Variants in NUAK1 observed in about 807,000 individuals in gnomAD.
NUAK1 encodes the protein NUAK family SNF1-like kinase 1.
NUAK1 carries 26 observed loss-of-function variants against 56.9 expected under a neutral mutation model. That is an observed-to-expected ratio of 0.46 (90% CI 0.33 to 0.63). The LOEUF is 0.63. Ranked by LOEUF, NUAK1 falls within the 30% of genes least tolerant of loss-of-function variation. NUAK1 has a pLI of 0.02. For synonymous variants in NUAK1, 337 were observed against 336.0 expected (o/e 1.00, Z -0.03); for missense variants, 727 against 876.1 (o/e 0.83, Z 2.15).
chr12:106,092,754 C>T (rs764913408), intron 2 of NUAK1, among the ~76,000 whole-genome samples: 12 of 152,042 alleles, frequency 7.9e-5, no homozygotes, highest in Admixed American at 2.6e-4. Flanking sequence ...CACATCTGTA[C>T]GCATTTTTGT....
intron 6 of NUAK1, 54 bp from the exon 7 acceptor site, chr12:106,068,009 G>A: frequency 6.6e-7 from 1 of 1,524,578 alleles, no homozygotes. Context: ...TTCTGGCTTT[G>A]TGATAGTGGG....
At chr12:106,107,841 A>G (rs1022247270) in intron 1 of NUAK1, among the ~76,000 whole-genome samples, 14 of 152,194 alleles carry the variant, frequency 9.2e-5, no homozygotes, top group Admixed American at 8.5e-4. Context: ...CTATGTATTG[A>G]CCTCCCAAAA....
At chr12:106,135,790 T>C (rs2033124137) in intron 1 of NUAK1, among the ~76,000 whole-genome samples, 1 of 152,230 alleles carries the variant, frequency 6.6e-6, no homozygotes, top group Non-Finnish European at 1.5e-5. Context: ...GTTGTGAATG[T>C]TTAGCACATC....
intron 2 of NUAK1, among the ~76,000 whole-genome samples, chr12:106,102,647 T>C (rs1003122507): frequency 6.6e-6 from 1 of 152,188 alleles, no homozygotes; most frequent in African/African-American, 2.4e-5. Flanking sequence ...AGTGTCCTCA[T>C]AATAATTATC....
chr12:106,079,338 T>C (rs1176303756), intron 4 of NUAK1, among the ~76,000 whole-genome samples: 2 of 152,100 alleles, frequency 1.3e-5, no homozygotes, highest in African/African-American at 4.8e-5. Flanking sequence ...CTCCTACCCA[T>C]CCCTCAAAAC....
rs963784772 is a variant in NUAK1 at position 106,067,060 on chromosome 12, G to A, written c.1728C>T (p.Ser576=). 5.6e-6 allele frequency: 9 copies of A among 1,614,100 alleles called. No individual in the cohort carries two copies. The highest frequency in any genetic ancestry group is 5.9e-6 in the Non-Finnish European group (7 of 1,180,024). The change falls in exon 7 of 7, where the codon AGC becomes AGT. Residue 576 remains serine, a synonymous_variant. Transcript: ENST00000261402. This position sits in a 1 kb window ranked among gnomAD's most constrained non-coding sequence, Gnocchi z 6.0. ...AGTCAAAAGAGTCGCTGGACAGCAC[G>A]CTGTCATCGCTGATGACACTGGAAG... The part of the protein sequence containing the change: ...SRPSSVISDD[S]VLSSDSFDLL...
intron 1 of NUAK1, among the ~76,000 whole-genome samples, chr12:106,126,544 A>T (rs941691040): frequency 6.6e-6 from 1 of 152,236 alleles, no homozygotes; most frequent in African/African-American, 2.4e-5. Flanking sequence ...AATGGTTCTA[A>T]GAATTCAGTG....
chr12:106,067,640 T>A lies in NUAK1; in HGVS notation c.1148A>T (p.Asp383Val). The A allele has an allele frequency of 6.2e-7, 1 of 1,614,254 alleles. No individual in the cohort carries two copies. The highest frequency in any genetic ancestry group is 1.3e-5 in the African/African-American group (1 of 75,062). ...CTTGGATGGGCTTTCAGGCACTGCATCCTGACCAGACTGAGCAAAGTCATT... is the reference window on the plus strand; with the variant it reads ...CTTGGATGGGCTTTCAGGCACTGCAACCTGACCAGACTGAGCAAAGTCATT... The part of the protein sequence containing the change: ...KENDFAQSGQ[D>V]AVPESPSKLS... The change falls in exon 7 of 7, where the codon GAT (aspartate) becomes GTT (valine). Residue 383 changes from aspartate (D) to valine (V), a missense_variant. Transcript: ENST00000261402. This position sits in a 1 kb window ranked among gnomAD's most constrained non-coding sequence, Gnocchi z 6.0.
chr12:106,068,102 G>T lies in NUAK1; in HGVS notation c.833-147C>A, dbSNP rs115265398. 7.1e-4 allele frequency: 511 copies of T among 719,800 alleles called. 3 individuals are homozygous for T. In the African/African-American group the frequency reaches 8.2e-3, roughly 12 times the overall value. The allele number at this position is 719,800 out of a possible 1,614,324, so 44.6% of individuals were successfully genotyped here. On this transcript the variant is annotated intron_variant, in intron 6 of 6. Transcript: ENST00000261402. ...CTGGTCCAGCCACATTATGGAGCAG[G>T]AAGCCCCAGCCTTTCAGATCATCCA...
At chr12:106,087,078 G>A (rs1402400268) in intron 2 of NUAK1, 193 bp from the exon 3 acceptor site, 1 of 566,478 alleles carries the variant, frequency 1.8e-6, no homozygotes, top group Non-Finnish European at 3.1e-6. Context: ...AATGGTGTGT[G>A]TCACCACCAC....
chr12:106,085,129 AT>A (rs2032558352), intron 3 of NUAK1, among the ~76,000 whole-genome samples: 1 of 152,236 alleles, frequency 6.6e-6, no homozygotes. Flanking sequence ...GATTCCATTA[AT>A]TTTAAACATC....
intron 2 of NUAK1, among the ~76,000 whole-genome samples, chr12:106,095,243 A>G (rs1423595736): frequency 6.6e-6 from 1 of 152,022 alleles, no homozygotes; most frequent in African/African-American, 2.4e-5. Context: ...TCTCACAACT[A>G]CCCCCAGAAA....
chr12:106,106,321 G>C, intron 2 of NUAK1, 84 bp downstream of exon 2: 1 of 1,280,572 alleles, frequency 7.8e-7, no homozygotes, highest in Non-Finnish European at 1.1e-6. Flanking sequence ...GCCCAGAAGG[G>C]CAATTATCTC....
chr12:106,084,982 G>GCACT (rs1175503722), intron 3 of NUAK1, among the ~76,000 whole-genome samples: 1 of 152,194 alleles, frequency 6.6e-6, no homozygotes, highest in African/African-American at 2.4e-5. Flanking sequence ...ATCTCCAAAA[G>GCACT]CACTGCTCAG....
intron 6 of NUAK1, among the ~76,000 whole-genome samples, chr12:106,069,674 C>T (rs867485742): frequency 6.6e-6 from 1 of 152,180 alleles, no homozygotes; most frequent in East Asian, 1.9e-4. Context: ...AGGAACCTAA[C>T]CCTCTATTTC....
Position 106,067,475 on chromosome 12 carries a change from G to A in NUAK1, c.1313C>T (p.Thr438Ile). 4 of 1,614,194 alleles carry A rather than the reference G, an allele frequency of 2.5e-6. No homozygotes were observed. Among genetic ancestry groups the A allele is most frequent in the South Asian group, 2.2e-5 (2 of 91,078 alleles). ...TGGTGAGCTTGGGAGGAGCACGCCA[G>A]TCCTGCACAAGTCCTGCTCCATCTT... is the stretch of plus-strand genomic sequence containing the variant. ...TFKMEQDLCRTGVLLPSSPEA... is the reference protein window; with the variant it reads ...TFKMEQDLCRIGVLLPSSPEA... Residue 438 changes from threonine (T) to isoleucine (I), a missense_variant, in exon 7 of 7, where the codon ACT becomes ATT. Transcript: ENST00000261402. This position sits in a 1 kb window ranked among gnomAD's most constrained non-coding sequence, Gnocchi z 6.0.
chr12:106,074,124 A>ATCC (rs1308667729), intron 4 of NUAK1, among the ~76,000 whole-genome samples: 6 of 152,068 alleles, frequency 3.9e-5, no homozygotes, highest in Admixed American at 2.0e-4. Context: ...CAGGTTCCAC[A>ATCC]TCCTCCCCTT....
Position 106,073,817 on chromosome 12 carries a change from C to CA in NUAK1, c.580-975dup, listed in dbSNP as rs535364958. ...TGGGCGACAAAGCGAGATTCAATCT[C>CA]AAAAAAAAAAATAAGATGACACCGT... On this transcript the variant is annotated intron_variant, in intron 4 of 6. Coordinates refer to ENST00000261402, the MANE Select transcript of NUAK1 (RefSeq NM_014840.3). Among the ~76,000 whole-genome samples, 967 of 144,332 alleles carry CA rather than the reference C, an allele frequency of 6.7e-3. 4 individuals carry two copies. Among genetic ancestry groups the CA allele is most frequent in the African/African-American group, 0.017 (653 of 39,334 alleles). The allele number at this position is 144,332 out of a possible 152,430, so 94.7% of individuals were successfully genotyped here.
At chr12:106,088,484 T>C (rs1256780228) in intron 2 of NUAK1, among the ~76,000 whole-genome samples, 1 of 152,202 alleles carries the variant, frequency 6.6e-6, no homozygotes, top group East Asian at 1.9e-4. Flanking sequence ...GTTTATTTCT[T>C]GGTTTACATA....
Sources: allele counts gnomAD v4.1 joint callset (sites outside exome capture counted in the v4.1 genomes callset), GRCh38; gene constraint gnomAD v4.1.1; non-coding constraint Gnocchi (gnomAD v3.1); transcripts MANE v1.5; gene names NCBI Gene and HGNC (gene_info 2026-07-23, HGNC 2026-07-21).